The following PDZD2 variants were observed in gnomAD, a reference collection of about 807,000 sequenced individuals.
PDZD2 encodes PDZ domain containing 2, also known as PDZ domain-containing protein 2.
A neutral mutation model predicts 220.7 loss-of-function variants in PDZD2; 90 were observed. The ratio of observed to expected loss-of-function variants is 0.41; its 90% CI spans 0.34 to 0.49. The LOEUF is 0.49. Among genes scored for constraint, PDZD2 ranks in the 20% least tolerant of loss-of-function variants. The pLI is 0.28. For missense variants in PDZD2, 3,174 were observed against 3,608.5 expected, an observed-to-expected ratio of 0.88 and a Z score of 3.08; for synonymous variants, 1,375 against 1,450.5, an observed-to-expected ratio of 0.95 and a Z score of 1.18.
intron 2 of PDZD2, among the ~76,000 whole-genome samples, chr5:31,976,138 G>A (rs939969139): frequency 8.5e-5 from 13 of 152,096 alleles, no homozygotes; most frequent in Admixed American, 2.6e-4. Context: ...GTAGGGAGGC[G>A]ATACCTGAGA....
At chr5:32,105,517 G>A (rs1218766134) in intron 24 of PDZD2, among the ~76,000 whole-genome samples, 1 of 152,122 alleles carries the variant, frequency 6.6e-6, no homozygotes, top group Non-Finnish European at 1.5e-5. Flanking sequence ...ATTTCTATCT[G>A]TAGCAGAATA....
chr5:31,819,656 CAAA>C (rs3032832), intron 2 of PDZD2, among the ~76,000 whole-genome samples: 4 of 110,494 alleles, frequency 3.6e-5, no homozygotes, highest in Admixed American at 1.0e-4. Context: ...GACTCTGTCT[CAAA>C]AAAAAAAAAA....
intron 2 of PDZD2, among the ~76,000 whole-genome samples, chr5:31,905,606 G>A (rs76993012): frequency 0.011 from 1,661 of 152,336 alleles, 91 homozygotes; most frequent in East Asian, 0.11. Flanking sequence ...TGCTAGCTCT[G>A]TGTATCTTCT....
chr5:31,983,955 G>A (rs573989901), intron 3 of PDZD2, among the ~76,000 whole-genome samples: 2 of 152,344 alleles, frequency 1.3e-5, no homozygotes, highest in East Asian at 3.9e-4. Context: ...CAAGCCTTCT[G>A]TGTTAAAATT....
At chr5:31,862,776 G>A (rs753155583) in intron 2 of PDZD2, among the ~76,000 whole-genome samples, 2 of 152,118 alleles carry the variant, frequency 1.3e-5, no homozygotes, top group Non-Finnish European at 2.9e-5. Context: ...CGCCCAGGCT[G>A]GAGTGCAGTG....
intron 1 of PDZD2, among the ~76,000 whole-genome samples, chr5:31,718,980 G>A (rs1748621233): frequency 6.6e-6 from 1 of 152,156 alleles, no homozygotes. Flanking sequence ...GATTACAGGT[G>A]TGAGCCACAG....
At chr5:31,986,006 C>T (rs1273200170) in intron 3 of PDZD2, among the ~76,000 whole-genome samples, 1 of 137,916 alleles carries the variant, frequency 7.3e-6, no homozygotes, top group Admixed American at 8.1e-5. Context: ...ACCTGGGAGG[C>T]GGAGGTTGCG....
At chr5:31,899,384 C>T (rs1741883500) in intron 2 of PDZD2, among the ~76,000 whole-genome samples, 2 of 152,154 alleles carry the variant, frequency 1.3e-5, no homozygotes, top group African/African-American at 4.8e-5. Context: ...CCGCCCACCT[C>T]ATCCTCCCAA....
chr5:31,896,727 A>G (rs1356279374), intron 2 of PDZD2, among the ~76,000 whole-genome samples: 3 of 152,232 alleles, frequency 2.0e-5, no homozygotes, highest in Non-Finnish European at 4.4e-5. Flanking sequence ...CCAGAGGCCA[A>G]GGTGGGAATA....
At chr5:31,830,332 A>ATTTTTTTTT (rs11447724) in intron 2 of PDZD2, among the ~76,000 whole-genome samples, 2 of 123,734 alleles carry the variant, frequency 1.6e-5, no homozygotes, top group Admixed American at 8.3e-5. Flanking sequence ...CGCCCAGCTA[A>ATTTTTTTTT]TTTTTTTTTT....
chr5:31,866,986 G>A (rs907585769), intron 2 of PDZD2, among the ~76,000 whole-genome samples: 1 of 152,154 alleles, frequency 6.6e-6, no homozygotes, highest in Non-Finnish European at 1.5e-5. Context: ...AGCCCAAAAG[G>A]TTCAGGGCTT....
intron 1 of PDZD2, among the ~76,000 whole-genome samples, chr5:31,776,324 G>T (rs1752642162): frequency 6.6e-6 from 1 of 151,960 alleles, no homozygotes; most frequent in Admixed American, 6.6e-5. Context: ...CCCTATCCAG[G>T]CAGTCACTGG....
chr5:31,704,927 G>T (rs557737419), intron 1 of PDZD2, among the ~76,000 whole-genome samples: 1 of 152,156 alleles, frequency 6.6e-6, no homozygotes, highest in Non-Finnish European at 1.5e-5. Context: ...TTGGAAGGCC[G>T]AGGTGGGCGG....
chr5:31,818,619 C>A (rs1755620451), intron 2 of PDZD2, among the ~76,000 whole-genome samples: 1 of 152,152 alleles, frequency 6.6e-6, no homozygotes, highest in African/African-American at 2.4e-5. Flanking sequence ...CTCCCTGGAC[C>A]ATTTGCAAGC....
chr5:31,942,533 G>A (rs752488933), intron 2 of PDZD2, among the ~76,000 whole-genome samples: 1 of 152,078 alleles, frequency 6.6e-6, no homozygotes, highest in Non-Finnish European at 1.5e-5. Flanking sequence ...GCAGTGGTTC[G>A]ATCCTAACTT....
intron 2 of PDZD2, among the ~76,000 whole-genome samples, chr5:31,929,619 G>A (rs931317166): frequency 6.6e-6 from 1 of 152,218 alleles, no homozygotes; most frequent in Admixed American, 6.5e-5. Context: ...GGAGGCTGAG[G>A]CGGGTGGATC....
Position 32,092,969 on chromosome 5 carries a change from T to A in PDZD2, c.7790T>A (p.Val2597Glu), listed in dbSNP as rs368034532. 7 of 1,608,644 alleles carry A rather than the reference T, an allele frequency of 4.4e-6. No homozygotes were observed. The highest frequency in any genetic ancestry group is 6.0e-6 in the Non-Finnish European group (7 of 1,175,386). The change falls in exon 21 of 25, where the codon GTG (valine) becomes GAG (glutamate). Residue 2597 changes from valine (V) to glutamate (E), a missense_variant. Physicochemically the swap from Val to Glu is moderately radical, Grantham distance 121. This residue lies in a region of PDZD2 where 631 missense variants were observed against 789.9 expected (regional missense o/e 0.80). Transcript: ENST00000438447. ...AGATTACAGTCTGTTTTATCGTCAGTGGGATCGAAATCTACCATCCTAACT... is the reference window on the plus strand; with the variant it reads ...AGATTACAGTCTGTTTTATCGTCAGAGGGATCGAAATCTACCATCCTAACT... ...QQRLQSVLSS[V>E]GSKSTILTLI...
At chr5:32,025,756 A>G (rs1384315560) in intron 6 of PDZD2, among the ~76,000 whole-genome samples, 3 of 151,244 alleles carry the variant, frequency 2.0e-5, no homozygotes, top group African/African-American at 7.3e-5. Context: ...GCCCTCCACA[A>G]TGCCCAGCTA....
intron 7 of PDZD2, among the ~76,000 whole-genome samples, chr5:32,040,901 G>C (rs564723601): frequency 1.5e-5 from 2 of 130,628 alleles, no homozygotes; most frequent in South Asian, 5.2e-4. Flanking sequence ...TGGCCGCCCT[G>C]TCTGGGATGT....
Sources: allele counts gnomAD v4.1 joint callset (sites outside exome capture counted in the v4.1 genomes callset), GRCh38; gene constraint gnomAD v4.1.1; regional missense constraint gnomAD v4.1.1; transcripts MANE v1.5; gene names NCBI Gene and HGNC (gene_info 2026-07-23, HGNC 2026-07-21).